The following KCNAB1 variants were observed in gnomAD, a reference collection of about 807,000 sequenced individuals.
The protein encoded by KCNAB1 is voltage-gated potassium channel subunit beta-1.
A neutral mutation model predicts 64.6 loss-of-function variants in KCNAB1; 35 were observed. The ratio of observed to expected loss-of-function variants is 0.54; its 90% confidence interval spans 0.41 to 0.72. The LOEUF is 0.72. KCNAB1 is among the 30% of genes least tolerant of loss of function. KCNAB1 has a pLI of 0.00. For synonymous variants in KCNAB1, 177 were observed against 183.8 expected (o/e 0.96, Z 0.30); for missense variants, 401 against 512.9 (o/e 0.78, Z 2.11).
At chr3:156,526,309 C>G (rs901382060) in intron 12 of KCNAB1, among the ~76,000 whole-genome samples, 1 of 152,120 alleles carries the variant, frequency 6.6e-6, no homozygotes, top group Non-Finnish European at 1.5e-5. Context: ...GTGTCCCTGT[C>G]GCTATGGGAT....
In KCNAB1 at chr3:156,508,781, G is replaced by A. The variant is rs906779021; in HGVS notation, c.659-5583G>A. On this transcript the variant is annotated intron_variant, in intron 8 of 13. Coordinates refer to ENST00000490337, the MANE Select transcript of KCNAB1 (RefSeq NM_172160.3). This position sits in a 1 kb window ranked among gnomAD's most constrained non-coding sequence, Gnocchi z 4.1. ...AAAGTGGACCTGCAGCATTTATAGG[G>A]AGCCACCTGTGTGCTAGGGATACAG... 2.6e-5 allele frequency among the ~76,000 whole-genome samples: 4 copies of A among 152,176 alleles called. No individual in the cohort carries two copies. The highest frequency in any genetic ancestry group is 5.9e-5 in the Non-Finnish European group (4 of 68,026).
chr3:156,170,746 C>T (rs1056936566), intron 1 of KCNAB1, among the ~76,000 whole-genome samples: 13 of 152,150 alleles, frequency 8.5e-5, no homozygotes, highest in African/African-American at 3.1e-4. Flanking sequence ...TTGGCATGCA[C>T]ACCCCAAACA....
chr3:156,347,635 T>C (rs1724571011), intron 1 of KCNAB1, among the ~76,000 whole-genome samples: 1 of 152,188 alleles, frequency 6.6e-6, no homozygotes, highest in Non-Finnish European at 1.5e-5. Context: ...TTAAAGAATC[T>C]GGGGAAGCCC....
At chr3:156,265,533 T>C (rs1326409570) in intron 1 of KCNAB1, among the ~76,000 whole-genome samples, 1 of 152,218 alleles carries the variant, frequency 6.6e-6, no homozygotes, top group Non-Finnish European at 1.5e-5. Context: ...TCTCCATACC[T>C]GAGCCAACAC....
intron 1 of KCNAB1, among the ~76,000 whole-genome samples, chr3:156,246,596 CTA>C (rs1174558006): frequency 7.8e-6 from 1 of 128,376 alleles, no homozygotes; most frequent in Non-Finnish European, 1.6e-5. Flanking sequence ...GAGCAAGACT[CTA>C]TCTCAAAAAA....
At chr3:156,360,843 C>A (rs1029878868) in intron 1 of KCNAB1, among the ~76,000 whole-genome samples, 1 of 152,084 alleles carries the variant, frequency 6.6e-6, no homozygotes, top group Admixed American at 6.5e-5. Flanking sequence ...AAAATGTATC[C>A]GAATTCCAGC....
intron 2 of KCNAB1, chr3:156,446,664 C>A (rs1170956352): frequency 6.6e-6 from 1 of 152,096 alleles, no homozygotes; most frequent in African/African-American, 2.4e-5. Flanking sequence ...TCTCTCACAC[C>A]CTACACATCC....
chr3:156,220,515 T>C (rs1310131101), intron 1 of KCNAB1, among the ~76,000 whole-genome samples: 1 of 152,246 alleles, frequency 6.6e-6, no homozygotes, highest in Non-Finnish European at 1.5e-5. Context: ...ATAAATGTCT[T>C]CTTTTGAGAA....
chr3:156,341,183 G>A (rs1319894230), intron 1 of KCNAB1, among the ~76,000 whole-genome samples: 17 of 152,150 alleles, frequency 1.1e-4, no homozygotes, highest in Admixed American at 6.5e-5. Flanking sequence ...TAGATGTATA[G>A]ATATAGATAT....
At chr3:156,193,499 G>T (rs1249076960) in intron 1 of KCNAB1, among the ~76,000 whole-genome samples, 1 of 152,134 alleles carries the variant, frequency 6.6e-6, no homozygotes, top group Non-Finnish European at 1.5e-5. Flanking sequence ...ATAAAGAACT[G>T]CCCGAGGCTG....
At chr3:156,333,047 G>A (rs1449738008) in intron 1 of KCNAB1, among the ~76,000 whole-genome samples, 1 of 152,144 alleles carries the variant, frequency 6.6e-6, no homozygotes, top group African/African-American at 2.4e-5. Flanking sequence ...TGGGAATGGA[G>A]TGAAAATGTG....
rs1420373969 is a variant in KCNAB1 at position 156,536,822 on chromosome 3, A to G, written c.*75A>G. The stretch of plus-strand genomic sequence containing the variant: ...CCAGTACAGAAAGGTGTTACTAACC[A>G]GTCTTTTGAATCACTTAGCAGCTTG... On this transcript the variant is annotated 3_prime_UTR_variant, in exon 14 of 14. Transcript: ENST00000490337. The G allele has an allele frequency of 2.0e-6, 2 of 1,016,692 alleles. No homozygotes were observed. The highest frequency in any genetic ancestry group is 4.7e-5 in the East Asian group (2 of 42,124). The allele number at this position is 1,016,692 out of a possible 1,614,324, so 63.0% of individuals were successfully genotyped here.
At chr3:156,340,285 C>A (rs1487976128) in intron 1 of KCNAB1, among the ~76,000 whole-genome samples, 2 of 152,124 alleles carry the variant, frequency 1.3e-5, no homozygotes, top group African/African-American at 2.4e-5. Flanking sequence ...TAAAATAAAA[C>A]CCCCAAAGTC....
chr3:156,220,511 G>A (rs1013827732), intron 1 of KCNAB1, among the ~76,000 whole-genome samples: 2 of 152,210 alleles, frequency 1.3e-5, no homozygotes, highest in African/African-American at 2.4e-5. Flanking sequence ...CTGCATAAAT[G>A]TCTTCTTTTG....
At chr3:156,310,321 G>GT (rs2108004666) in intron 1 of KCNAB1, among the ~76,000 whole-genome samples, 1 of 152,312 alleles carries the variant, frequency 6.6e-6, no homozygotes, top group South Asian at 2.1e-4. Flanking sequence ...GCTGTAGGGT[G>GT]TGGAGGAAGG....
intron 1 of KCNAB1, among the ~76,000 whole-genome samples, chr3:156,241,588 C>T (rs998484972): frequency 9.9e-5 from 15 of 152,144 alleles, no homozygotes; most frequent in Non-Finnish European, 1.9e-4. Context: ...AGACTCAGTT[C>T]AGTGGTAGAG....
chr3:156,358,625 G>A (rs1725409632), intron 1 of KCNAB1, among the ~76,000 whole-genome samples: 1 of 152,086 alleles, frequency 6.6e-6, no homozygotes, highest in East Asian at 1.9e-4. Flanking sequence ...TATGCCTGTG[G>A]AAATTATTAT....
intron 1 of KCNAB1, among the ~76,000 whole-genome samples, chr3:156,190,722 C>T (rs564993478): frequency 7.9e-5 from 12 of 152,196 alleles, no homozygotes; most frequent in South Asian, 6.2e-4. Context: ...AACAGAGTCT[C>T]GCTCTGTCAC....
At chr3:156,226,015 T>G (rs1443390946) in intron 1 of KCNAB1, among the ~76,000 whole-genome samples, 1 of 152,212 alleles carries the variant, frequency 6.6e-6, no homozygotes, top group East Asian at 1.9e-4. Context: ...ATAAATTCAT[T>G]GCAATTCCCA....
Sources: gnomAD v4.1 joint callset for allele counts (sites outside exome capture counted in the v4.1 genomes callset) on GRCh38, gnomAD v4.1.1 for gene constraint, Gnocchi (gnomAD v3.1) non-coding constraint, MANE v1.5 for transcripts, NCBI Gene and HGNC (gene_info 2026-07-23, HGNC 2026-07-21) for gene names.